The following BICRA variants were observed in gnomAD, a reference collection of about 807,000 sequenced individuals.
The protein encoded by BICRA is BRD4-interacting chromatin-remodeling complex-associated protein.
BICRA carries 31 observed loss-of-function variants against 96.9 expected under a neutral mutation model. That is an observed-to-expected ratio of 0.32 (90% CI 0.24 to 0.43). The LOEUF is 0.43. Ranked by LOEUF, BICRA falls within the 20% of genes least tolerant of loss-of-function variation. The pLI is 1.00. For missense variants in BICRA, 2,283 were observed against 2,190.3 expected (o/e 1.04, Z -0.84); for synonymous variants, 1,350 against 1,071.8 (o/e 1.26, Z -5.07).
At chr19:47,611,592 G>A (rs918966656) in intron 1 of BICRA, among the ~76,000 whole-genome samples, 2 of 152,208 alleles carry the variant, frequency 1.3e-5, no homozygotes, top group South Asian at 2.1e-4. Context: ...TTGTTCCTAT[G>A]CCCTGTGACC....
chr19:47,642,074 C>T (rs1466123640), intron 1 of BICRA, among the ~76,000 whole-genome samples: 2 of 152,160 alleles, frequency 1.3e-5, no homozygotes, highest in Non-Finnish European at 2.9e-5. Context: ...TTTGTCTGTT[C>T]TAGAGTTTGA....
At chr19:47,686,418 C>A (rs1012269300) in intron 7 of BICRA, among the ~76,000 whole-genome samples, 5 of 151,936 alleles carry the variant, frequency 3.3e-5, no homozygotes, top group African/African-American at 1.2e-4. Flanking sequence ...GAGTCTCCCT[C>A]TGCTGCCCAG....
At chr19:47,650,361 G>A (rs992052630) in intron 1 of BICRA, among the ~76,000 whole-genome samples, 8 of 152,106 alleles carry the variant, frequency 5.3e-5, no homozygotes, top group African/African-American at 1.7e-4. Flanking sequence ...TCAAACTCCC[G>A]ACCTCGTGAT....
Position 47,701,846 on chromosome 19 carries a change from G to A in BICRA, c.4114G>A (p.Glu1372Lys), listed in dbSNP as rs1342321443. The A allele has an allele frequency of 5.9e-6, 9 of 1,516,706 alleles. No homozygotes were observed. The African/African-American group carries it at 7.0e-5, about 12-fold the overall frequency. The allele number at this position is 1,516,706 out of a possible 1,614,324, so 94.0% of individuals were successfully genotyped here. ...TVDHPPPAAP[E>K]RKPLGTAPHC... ...GGACCACCCGCCGCCTGCCGCCCCC[G>A]AGCGCAAGCCCCTGGGCACCGCCCC... Residue 1372 changes from glutamate (E) to lysine (K), a missense_variant, in exon 15 of 15, where the codon GAG becomes AAG. Glu to Lys is a moderately conservative substitution (Grantham distance 56, BLOSUM62 1). Transcript: ENST00000594866. The surrounding 1 kb of genome is among the most constrained non-coding windows in gnomAD (Gnocchi z 5.4).
chr19:47,620,652 A>C (rs1972050451), intron 1 of BICRA, among the ~76,000 whole-genome samples: 1 of 125,558 alleles, frequency 8.0e-6, no homozygotes, highest in South Asian at 2.7e-4. Flanking sequence ...CTTGGGCGAC[A>C]GAGTGAGACT....
chr19:47,679,128 C>T (rs939319111), intron 5 of BICRA, 193 bp from the exon 6 acceptor site: 1 of 427,446 alleles, frequency 2.3e-6, no homozygotes, highest in Non-Finnish European at 4.1e-6. Flanking sequence ...AACTCTTTGG[C>T]TCAAGCCATC....
rs35273886 is a variant in BICRA at position 47,624,992 on chromosome 19, C to CTTTT, written c.-108+15846_-108+15849dup. On this transcript the variant is annotated intron_variant, in intron 1 of 14. Coordinates refer to ENST00000594866, the MANE Select transcript of BICRA (RefSeq NM_001394372.1). ...TACAGACATGAGCCACTGCACCTGG[C>CTTTT]TTTTTTTTTTTTTTTTTTTTTTTTT... is the stretch of plus-strand genomic sequence containing the variant. Among the ~76,000 whole-genome samples, 136 of 57,934 alleles carry CTTTT rather than the reference C, an allele frequency of 2.3e-3. 2 individuals are homozygous for CTTTT. Among genetic ancestry groups the CTTTT allele is most frequent in the African/African-American group, 3.8e-3 (51 of 13,532 alleles). The allele number at this position is 57,934 out of a possible 152,430, so 38.0% of individuals were successfully genotyped here. A position where few individuals can be genotyped will look rare whatever the true frequency, so the allele number is the denominator to read the frequency against.
At chr19:47,609,924 C>T (rs1971873813) in intron 1 of BICRA, among the ~76,000 whole-genome samples, 2 of 151,804 alleles carry the variant, frequency 1.3e-5, no homozygotes, top group Non-Finnish European at 2.9e-5. Flanking sequence ...CCCCCTCCCC[C>T]ACCCCCAGCT....
At chr19:47,661,996 A>C (rs1413041529) in intron 1 of BICRA, 1 of 152,178 alleles carries the variant, frequency 6.6e-6, no homozygotes, top group Non-Finnish European at 1.5e-5. Flanking sequence ...GCGTGCGCCT[A>C]TAGTCCCAGC....
At chr19:47,630,320 C>T (rs557370406) in intron 1 of BICRA, among the ~76,000 whole-genome samples, 2 of 152,122 alleles carry the variant, frequency 1.3e-5, no homozygotes, top group South Asian at 4.1e-4. Flanking sequence ...GCCACCACGC[C>T]TGGCTAATTT....
Position 47,680,494 on chromosome 19 carries a change from G to T in BICRA, c.1324G>T (p.Ala442Ser), listed in dbSNP as rs762573244. ...AGCGGCCCCGCCGCAGCCCCCCGGG[G>T]CCCTGAGCAAACCCATGAGCGTCCA... Reference protein sequence around the residue: ...TGAAPPQPPGALSKPMSVHLL... With the variant: ...TGAAPPQPPGSLSKPMSVHLL... Residue 442 changes from alanine to serine, a missense_variant, in exon 6 of 15, where the codon GCC becomes TCC. Ala to Ser is a moderately conservative substitution (Grantham distance 99, BLOSUM62 1). Transcript: ENST00000594866. The T allele has an allele frequency of 1.4e-4, 216 of 1,542,726 alleles. No homozygotes were observed. The highest frequency in any genetic ancestry group is 2.1e-5 in the Non-Finnish European group (24 of 1,145,430).
At chr19:47,673,041 T>C (rs1178888088) in intron 2 of BICRA, among the ~76,000 whole-genome samples, 1 of 152,018 alleles carries the variant, frequency 6.6e-6, no homozygotes, top group Non-Finnish European at 1.5e-5. Context: ...CTACACTGGC[T>C]CCCTCACTCC....
chr19:47,698,548 G>A lies in BICRA; in HGVS notation c.3249-86G>A. On this transcript the variant is annotated intron_variant, in intron 11 of 14. Transcript: ENST00000594866. This position sits in a 1 kb window ranked among gnomAD's most constrained non-coding sequence, Gnocchi z 4.8. ...CGCTGTTGTGTTCAGTTGCGGCCTG[G>A]GGCTGAGGGTTCAGGGACTTCCCCT... The A allele has an allele frequency of 1.4e-6, 1 of 709,552 alleles. No homozygotes were observed. The highest frequency in any genetic ancestry group is 2.6e-6 in the Non-Finnish European group (1 of 384,262). The allele number at this position is 709,552 out of a possible 1,614,324, so 44.0% of individuals were successfully genotyped here. A position where few individuals can be genotyped will look rare whatever the true frequency, so the allele number is the denominator to read the frequency against.
chr19:47,691,945 AG>A (rs1973247366), intron 7 of BICRA, among the ~76,000 whole-genome samples: 2 of 152,218 alleles, frequency 1.3e-5, no homozygotes, highest in South Asian at 4.1e-4. Context: ...AAAGAAATAA[AG>A]CAGACAGCAT....
chr19:47,633,469 C>G, intron 1 of BICRA, among the ~76,000 whole-genome samples: 1 of 152,228 alleles, frequency 6.6e-6, no homozygotes. Context: ...TCCCAAAGTA[C>G]TGTAATTACA....
chr19:47,678,525 GA>G (rs1418661126), intron 5 of BICRA, among the ~76,000 whole-genome samples: 1 of 152,184 alleles, frequency 6.6e-6, no homozygotes, highest in Non-Finnish European at 1.5e-5. Context: ...TGGGCGCCGG[GA>G]CCAGTGGTGA....
At position 47,680,865 on chromosome 19, in the gene BICRA, C is replaced by T; in HGVS notation, c.1695C>T (p.Ser565=). 1 of 1,541,846 alleles carries T rather than the reference C, an allele frequency of 6.5e-7. No homozygotes were observed. The highest frequency in any genetic ancestry group is 8.7e-7 in the Non-Finnish European group (1 of 1,154,338). The change falls in exon 6 of 15, where the codon AGC becomes AGT. Residue 565 remains serine (S), a synonymous_variant. Transcript: ENST00000594866. The stretch of plus-strand genomic sequence containing the variant: ...TGCCCGTGTCGCTGGCGGCGGGCAG[C>T]CTGCCCACGCAGAGCCAGCCAGCGC... ...FQMPVSLAAG[S]LPTQSQPAPA... is the part of the protein sequence containing the mutation.
chr19:47,682,763 C>T lies in BICRA; in HGVS notation c.2283+611C>T, dbSNP rs1339338704. Among the ~76,000 whole-genome samples the T allele has an allele frequency of 5.9e-5, 9 of 151,884 alleles. No homozygotes were observed. The South Asian group carries it at 8.3e-4, about 14-fold the overall frequency. ...CTTGGCTCACTGCAACCTCCGCCTC[C>T]GATGTTTAAGTGATTCTCCTGCCTC... On this transcript the variant is annotated intron_variant, in intron 7 of 14. Transcript: ENST00000594866.
At position 47,694,643 on chromosome 19, in the gene BICRA, C is replaced by T; in HGVS notation, c.2812C>T (p.Pro938Ser). 2 of 1,583,408 alleles carry T rather than the reference C, an allele frequency of 1.3e-6. No individual in the cohort carries two copies. Among genetic ancestry groups the T allele is most frequent in the Non-Finnish European group, 8.7e-7 (1 of 1,154,126 alleles). The change falls in exon 8 of 15, where the codon CCG becomes TCG. Residue 938 changes from proline (P) to serine (S), a missense_variant. Physicochemically the swap from Pro to Ser is moderately conservative, Grantham distance 74. Transcript: ENST00000594866. ...CCCTGAGCCGGCAGCACCCCCCCCACCGCCTCCTCGGACCTTCCAGATGGT... is the reference window on the plus strand; with the variant it reads ...CCCTGAGCCGGCAGCACCCCCCCCATCGCCTCCTCGGACCTTCCAGATGGT... ...LVPEPAAPPP[P>S]PPRTFQMVTT... is the part of the protein sequence containing the mutation.
Sources: gnomAD v4.1 joint callset for allele counts (sites outside exome capture counted in the v4.1 genomes callset) on GRCh38, gnomAD v4.1.1 for gene constraint, Gnocchi (gnomAD v3.1) non-coding constraint, MANE v1.5 for transcripts, NCBI Gene and HGNC (gene_info 2026-07-23, HGNC 2026-07-21) for gene names.